The following EPN1 variants were observed in gnomAD, a reference collection of about 807,000 sequenced individuals.
The protein encoded by EPN1 is epsin-1.
In EPN1, 25 loss-of-function variants were observed where a neutral mutation model predicts 56.9. The observed-to-expected ratio is 0.44, with a 90% confidence interval of 0.32 to 0.61. EPN1 has a LOEUF of 0.61. Ranked by LOEUF, EPN1 falls within the 20% of genes least tolerant of loss-of-function variation. The probability of loss-of-function intolerance (pLI) is 0.05; values close to 1 mark genes in which losing one functional copy is unlikely to be tolerated. For synonymous variants in EPN1, 411 were observed against 361.8 expected (o/e 1.14, Z -1.54); for missense variants, 785 against 823.7 (o/e 0.95, Z 0.58).
Position 55,704,823 on chromosome 19 carries a change from C to G in EPN1, c.*9467C>G, listed in dbSNP as rs1192235737. The G allele has an allele frequency of 6.6e-6, 1 of 152,402 alleles. No individual in the cohort carries two copies. The highest frequency in any genetic ancestry group is 1.5e-5 in the Non-Finnish European group (1 of 68,146). 9.4% of individuals were successfully genotyped at this position (152,402 alleles called of 1,614,324 possible). On this transcript the variant is annotated 3_prime_UTR_variant, in exon 11 of 11. Transcript: ENST00000270460. The stretch of plus-strand genomic sequence containing the variant: ...CGCTCCCTTCCTTCTGTAATACAGA[C>G]AACAGAGACAGGAGATGGCCTGGCC...
chr19:55,682,887 G>A (rs1451147552), intron 2 of EPN1, among the ~76,000 whole-genome samples: 1 of 152,074 alleles, frequency 6.6e-6, no homozygotes, highest in Admixed American at 6.5e-5. Flanking sequence ...CTCCCGAGTA[G>A]CTGGGATTAC....
At position 55,695,288 on chromosome 19, in the gene EPN1, G is replaced by T. The variant is rs1443569122; in HGVS notation, c.1663G>T (p.Gly555Cys). ...PPTYISPLGGGPGLPPMMPPG... is the reference protein window; with the variant it reads ...PPTYISPLGGCPGLPPMMPPG... ...CACGTACATCTCTCCCCTTGGCGGG[G>T]GCCCTGGCCTGCCCCCCATGATGCC... Residue 555 changes from glycine to cysteine, a missense_variant, in exon 11 of 11, where the codon GGC (glycine) becomes TGC (cysteine). Transcript: ENST00000270460. The surrounding 1 kb of genome is among the most constrained non-coding windows in gnomAD (Gnocchi z 4.4). 1.3e-6 allele frequency: 2 copies of T among 1,587,230 alleles called. No homozygotes were observed. The highest frequency in any genetic ancestry group is 1.7e-6 in the Non-Finnish European group (2 of 1,169,400).
At position 55,697,279 on chromosome 19, in the gene EPN1, G is replaced by A. The variant is rs1041028889; in HGVS notation, c.*1923G>A. 3.3e-5 allele frequency: 5 copies of A among 152,214 alleles called. No individual in the cohort carries two copies. The highest frequency in any genetic ancestry group is 5.9e-5 in the Non-Finnish European group (4 of 68,066). 9.4% of individuals were successfully genotyped at this position (152,214 alleles called of 1,614,324 possible). ...AGCCAGCTGAAGGCGGCAGCTCTGG[G>A]TGGGATCACATGGAAAGGGGAGGCG... On this transcript the variant is annotated 3_prime_UTR_variant, in exon 11 of 11. Coordinates refer to ENST00000270460, the MANE Select transcript of EPN1 (RefSeq NM_001130072.2).
intron 6 of EPN1, among the ~76,000 whole-genome samples, chr19:55,690,185 C>T (rs927540438): frequency 4.6e-5 from 7 of 152,260 alleles, no homozygotes; most frequent in African/African-American, 1.4e-4. Context: ...TGGCCATCCC[C>T]CTTCGGGCTG....
chr19:55,676,025 C>T lies in EPN1; in HGVS notation c.-102+590C>T, dbSNP rs1263485634. On this transcript the variant is annotated intron_variant, in intron 1 of 10. Transcript: ENST00000270460. ...AGCCCCAGCCTTGGATTCAGAAGCC[C>T]GGCTGCCTGCTAAGCTGTGTAATTG... Among the ~76,000 whole-genome samples, 3 of 152,272 alleles carry T rather than the reference C, an allele frequency of 2.0e-5. 1 individual carries two copies. Among genetic ancestry groups the T allele is most frequent in the East Asian group, 1.9e-4 (1 of 5,196 alleles).
rs890643919 is a variant in EPN1 at position 55,703,819 on chromosome 19, T to G, written c.*8463T>G. On this transcript the variant is annotated 3_prime_UTR_variant, in exon 11 of 11. Coordinates refer to ENST00000270460, the MANE Select transcript of EPN1 (RefSeq NM_001130072.2). ...ATGGATTTAAGTTTAAGCACCTGCG[T>G]GTGAGCGGCTACCGCGTGGGCTGGG... 6.6e-6 allele frequency: 1 copy of G among 152,260 alleles called. No homozygotes were observed. Among genetic ancestry groups the G allele is most frequent in the Non-Finnish European group, 1.5e-5 (1 of 68,032 alleles). 9.4% of individuals were successfully genotyped at this position (152,260 alleles called of 1,614,324 possible).
rs1322941580 is a variant in EPN1, at chr19:55,689,334, AG to A, written c.642del (p.Gln214HisfsTer6). On this transcript the variant is annotated frameshift_variant, in exon 5 of 11. Transcript: ENST00000270460. LOFTEE classifies it high-confidence loss of function. The surrounding 1 kb of genome is among the most constrained non-coding windows in gnomAD (Gnocchi z 5.7). ...GGCCCCGAGGACGACGCCCAGCTCC[AG>A]CTGGCCCTTAGTTTGAGCCGAGAAG... ...SCGPEDDAQL[Q>X]LALSLSREEH... is the part of the protein sequence containing the mutation. The A allele has an allele frequency of 6.4e-7, 1 of 1,550,522 alleles. No homozygotes were observed. Among genetic ancestry groups the A allele is most frequent in the African/African-American group, 1.4e-5 (1 of 72,476 alleles).
Position 55,705,871 on chromosome 19 carries a change from C to T in EPN1, c.*10515C>T, listed in dbSNP as rs933100098. On this transcript the variant is annotated 3_prime_UTR_variant, in exon 11 of 11. Coordinates refer to ENST00000270460, the MANE Select transcript of EPN1 (RefSeq NM_001130072.2). Reference sequence around the variant, plus strand: ...ATATATATATATTTAGAGACAAGGTCTTGCTCTATCACTAAAGCTGCATTG... The same window carrying T: ...ATATATATATATTTAGAGACAAGGTTTTGCTCTATCACTAAAGCTGCATTG... The T allele has an allele frequency of 1.4e-5, 2 of 139,042 alleles. No homozygotes were observed. The highest frequency in any genetic ancestry group is 3.1e-5 in the Non-Finnish European group (2 of 63,976). The allele number at this position is 139,042 out of a possible 1,614,324, so 8.6% of individuals were successfully genotyped here. A position where few individuals can be genotyped will look rare whatever the true frequency, so the allele number is the denominator to read the frequency against.
At chr19:55,678,216 C>A (rs1272562288) in intron 1 of EPN1, among the ~76,000 whole-genome samples, 1 of 152,158 alleles carries the variant, frequency 6.6e-6, no homozygotes, top group African/African-American at 2.4e-5. Flanking sequence ...GCATGGAGCC[C>A]CATTTGACAG....
At chr19:55,693,289 C>G (rs1159662427) in intron 9 of EPN1, 3 of 486,250 alleles carry the variant, frequency 6.2e-6, no homozygotes, top group Non-Finnish European at 1.1e-5. Context: ...CGAATGTTGA[C>G]CTCTGACCCG....
Position 55,692,806 on chromosome 19 carries a change from TG to T in EPN1, c.1177+15del. 1 of 1,594,556 alleles carries T rather than the reference TG, an allele frequency of 6.3e-7. No homozygotes were observed. Among genetic ancestry groups the T allele is most frequent in the Non-Finnish European group, 8.6e-7 (1 of 1,168,580 alleles). On this transcript the variant is annotated intron_variant, in intron 8 of 10. Transcript: ENST00000270460. ...ACCAATGGCACAACAGGTACTGGAATGGGGGTGGGAATGGAGCCCCGGGTGG... is the reference window on the plus strand; with the variant it reads ...ACCAATGGCACAACAGGTACTGGAATGGGGTGGGAATGGAGCCCCGGGTGG...
At position 55,708,063 on chromosome 19, in the gene EPN1, G is replaced by A. The variant is rs747783081; in HGVS notation, c.*12707G>A. Reference sequence around the variant, plus strand: ...GAAGTAAAATTAAGCAAGTAAGTGCGAGCACTCTACATTGAAGATTATAGA... The same window carrying A: ...GAAGTAAAATTAAGCAAGTAAGTGCAAGCACTCTACATTGAAGATTATAGA... On this transcript the variant is annotated 3_prime_UTR_variant, in exon 11 of 11. Transcript: ENST00000270460. The A allele has an allele frequency of 3.3e-5, 5 of 152,290 alleles. No homozygotes were observed. Among genetic ancestry groups the A allele is most frequent in the East Asian group, 3.8e-4 (2 of 5,196 alleles). 9.4% of individuals were successfully genotyped at this position (152,290 alleles called of 1,614,324 possible). A position where few individuals can be genotyped will look rare whatever the true frequency, so the allele number is the denominator to read the frequency against.
intron 2 of EPN1, among the ~76,000 whole-genome samples, chr19:55,683,906 G>A (rs761793952): frequency 1.3e-5 from 2 of 152,302 alleles, no homozygotes; most frequent in Admixed American, 6.5e-5. Flanking sequence ...CTGTTGGCAC[G>A]ACTCTGCCCA....
In EPN1 at chr19:55,706,299, T is replaced by TTTTTTTTTTTTTTTTTTTA. The variant is rs1324277673; in HGVS notation, c.*10943_*10944insTTTTTTTTTTTTTTTTTTA. On this transcript the variant is annotated 3_prime_UTR_variant, in exon 11 of 11. Coordinates refer to ENST00000270460, the MANE Select transcript of EPN1 (RefSeq NM_001130072.2). ...TTTCTTCTTCTTTTTTTTTTTTTTT[T>TTTTTTTTTTTTTTTTTTTA]AAAAGACCGTGTTTCGCTCTGTCAC... 7.7e-5 allele frequency: 12 copies of TTTTTTTTTTTTTTTTTTTA among 154,880 alleles called. No homozygotes were observed. The highest frequency in any genetic ancestry group is 3.0e-4 in the African/African-American group (12 of 39,346). 9.6% of individuals were successfully genotyped at this position (154,880 alleles called of 1,614,324 possible).
At chr19:55,692,537 AGT>A in intron 7 of EPN1, 147 bp from the exon 8 acceptor site, 1 of 452,024 alleles carries the variant, frequency 2.2e-6, no homozygotes, top group Non-Finnish European at 3.7e-6. Flanking sequence ...TTGGAATTTG[AGT>A]GTGTGTGCGG....
At position 55,696,624 on chromosome 19, in the gene EPN1, A is replaced by C. The variant is rs369913778; in HGVS notation, c.*1268A>C. On this transcript the variant is annotated 3_prime_UTR_variant, in exon 11 of 11. Coordinates refer to ENST00000270460, the MANE Select transcript of EPN1 (RefSeq NM_001130072.2). Reference sequence around the variant, plus strand: ...TCTGCCCGGGGGACGCTCTGGGCTCAGGGTGGGGCCAGACAGCTACATCAC... The same window carrying C: ...TCTGCCCGGGGGACGCTCTGGGCTCCGGGTGGGGCCAGACAGCTACATCAC... 6.6e-6 allele frequency: 1 copy of C among 152,448 alleles called. No homozygotes were observed. Among genetic ancestry groups the C allele is most frequent in the South Asian group, 2.1e-4 (1 of 4,822 alleles). The allele number at this position is 152,448 out of a possible 1,614,324, so 9.4% of individuals were successfully genotyped here.
In EPN1 at chr19:55,689,272, G is replaced by T. The variant is rs746129225; in HGVS notation, c.604-25G>T. 7 of 1,507,970 alleles carry T rather than the reference G, an allele frequency of 4.6e-6. No individual in the cohort carries two copies. Among genetic ancestry groups the T allele is most frequent in the African/African-American group, 1.4e-5 (1 of 71,842 alleles). 93.4% of individuals were successfully genotyped at this position (1,507,970 alleles called of 1,614,324 possible). ...CTCTGCCTCTGGCCCCTCCCGTCATGCCCCTCACACTCTCTCTCCCCCAGC... is the reference window on the plus strand; with the variant it reads ...CTCTGCCTCTGGCCCCTCCCGTCATTCCCCTCACACTCTCTCTCCCCCAGC... On this transcript the variant is annotated intron_variant, in intron 4 of 10. Coordinates refer to ENST00000270460, the MANE Select transcript of EPN1 (RefSeq NM_001130072.2). This position sits in a 1 kb window ranked among gnomAD's most constrained non-coding sequence, Gnocchi z 5.7.
Position 55,700,607 on chromosome 19 carries a change from AGAC to A in EPN1, c.*5252_*5254del, listed in dbSNP as rs2122236446. 1 of 152,348 alleles carries A rather than the reference AGAC, an allele frequency of 6.6e-6. No individual in the cohort carries two copies. The highest frequency in any genetic ancestry group is 1.5e-5 in the Non-Finnish European group (1 of 68,034). 9.4% of individuals were successfully genotyped at this position (152,348 alleles called of 1,614,324 possible). A position where few individuals can be genotyped will look rare whatever the true frequency, so the allele number is the denominator to read the frequency against. On this transcript the variant is annotated 3_prime_UTR_variant, in exon 11 of 11. Transcript: ENST00000270460. ...GACATCTTGAAGCACACAAAACTAT[AGAC>A]AATATTATCATAACCACCCCTGCAA...
chr19:55,693,815 C>T (rs767584475), intron 9 of EPN1, among the ~76,000 whole-genome samples: 3 of 152,298 alleles, frequency 2.0e-5, no homozygotes, highest in South Asian at 2.1e-4. Flanking sequence ...TCTAGGTTAA[C>T]GTAGAGCAAC....
Sources: allele counts gnomAD v4.1 joint callset (sites outside exome capture counted in the v4.1 genomes callset), GRCh38; gene constraint gnomAD v4.1.1; non-coding constraint Gnocchi (gnomAD v3.1); transcripts MANE v1.5; gene names NCBI Gene and HGNC (gene_info 2026-07-23, HGNC 2026-07-21).